The following TMPRSS6 variants were observed in gnomAD, a reference collection of about 807,000 sequenced individuals.
The protein encoded by TMPRSS6 is transmembrane protease serine 6.
In TMPRSS6, 67 loss-of-function variants were observed where a neutral mutation model predicts 101.5. The observed-to-expected ratio is 0.66, with a 90% CI of 0.54 to 0.81. TMPRSS6 has a LOEUF of 0.81. Among genes scored for constraint, TMPRSS6 ranks in the 30% least tolerant of loss-of-function variants. The pLI is 0.00. For synonymous variants in TMPRSS6, 453 were observed against 464.9 expected (o/e 0.97, Z 0.33); for missense variants, 1,034 against 1,088.7 (o/e 0.95, Z 0.71).
intron 1 of TMPRSS6, among the ~76,000 whole-genome samples, chr22:37,107,214 A>G (rs1930770022): frequency 6.6e-6 from 1 of 152,068 alleles, no homozygotes; most frequent in South Asian, 2.1e-4. Context: ...CCCAGGTTCA[A>G]TGCTCAGTCA....
intron 10 of TMPRSS6, among the ~76,000 whole-genome samples, chr22:37,078,974 A>AGG (rs1569006110): frequency 0.093 from 35 of 378 alleles, no homozygotes; most frequent in African/African-American, 0.25. Context: ...AAAGAAAGAA[A>AGG]AAGAAAGAAA....
Position 37,101,928 on chromosome 22 carries a change from G to A in TMPRSS6, c.202+1288C>T, listed in dbSNP as rs113681586. On this transcript the variant is annotated intron_variant, in intron 2 of 17. Transcript: ENST00000676104. This position sits in a 1 kb window ranked among gnomAD's most constrained non-coding sequence, Gnocchi z 4.1. The stretch of plus-strand genomic sequence containing the variant: ...CTGCTGGTGGTGAAATGCACATGGC[G>A]TCTACTGCCTGCGTTGCTCAACTCT... Among the ~76,000 whole-genome samples, 225 of 152,310 alleles carry A rather than the reference G, an allele frequency of 1.5e-3. 1 individual carries two copies. The highest frequency in any genetic ancestry group is 5.1e-3 in the African/African-American group (211 of 41,558).
intron 3 of TMPRSS6, among the ~76,000 whole-genome samples, chr22:37,097,254 G>C (rs547861564): frequency 6.6e-6 from 1 of 152,346 alleles, no homozygotes; most frequent in African/African-American, 2.4e-5. Context: ...GCAGCCTCAG[G>C]CTGGGTCCCT....
chr22:37,094,776 G>A (rs1024056569), intron 6 of TMPRSS6, among the ~76,000 whole-genome samples: 1 of 152,196 alleles, frequency 6.6e-6, no homozygotes, highest in Non-Finnish European at 1.5e-5. Context: ...GGTAAGGAAA[G>A]GTATAACAAG....
chr22:37,105,672 C>T (rs903084928), intron 1 of TMPRSS6, among the ~76,000 whole-genome samples: 7 of 152,144 alleles, frequency 4.6e-5, no homozygotes, highest in Non-Finnish European at 1.0e-4. Context: ...ATTCCCGTCG[C>T]ACCCCTTTTG....
rs548774800 is a variant in TMPRSS6, at chr22:37,095,572, C to T, written c.610G>A (p.Ala204Thr). ...GTACCCAGCGTGGAATTCAATGCAG[C>T]TATGTCTTTCACACTGGCTTCTGAT... is the stretch of plus-strand genomic sequence containing the variant. The part of the protein sequence containing the change: ...VILEASVKDI[A>T]ALNSTLGCYR... Residue 204 changes from alanine to threonine, a missense_variant, in exon 6 of 18, where the codon GCT (alanine) becomes ACT (threonine). Ala to Thr is a moderately conservative substitution (Grantham distance 58, BLOSUM62 0). Coordinates refer to ENST00000676104, the MANE Select transcript of TMPRSS6 (RefSeq NM_001374504.1). 6.2e-6 allele frequency: 10 copies of T among 1,610,844 alleles called. No homozygotes were observed. The East Asian group carries it at 2.0e-4, about 32-fold the overall frequency.
Position 37,103,723 on chromosome 22 carries a change from C to T in TMPRSS6, c.-1-305G>A. On this transcript the variant is annotated intron_variant, in intron 1 of 17. Coordinates refer to ENST00000676104, the MANE Select transcript of TMPRSS6 (RefSeq NM_001374504.1). The surrounding 1 kb of genome is among the most constrained non-coding windows in gnomAD (Gnocchi z 4.4). ...AGACGGAGGTCTCAGTACCTAAACA[C>T]CCACCTCCCTAGAGGCTGCACCCAC... The T allele has an allele frequency of 1.3e-6, 1 of 788,876 alleles. No individual in the cohort carries two copies. The highest frequency in any genetic ancestry group is 1.5e-5 in the South Asian group (1 of 66,870). 48.9% of individuals were successfully genotyped at this position (788,876 alleles called of 1,614,324 possible).
At chr22:37,081,541 T>C (rs2146093748) in intron 10 of TMPRSS6, among the ~76,000 whole-genome samples, 1 of 152,270 alleles carries the variant, frequency 6.6e-6, no homozygotes, top group Admixed American at 6.5e-5. Context: ...CCTGAACCCC[T>C]CGTTTCACAG....
intron 13 of TMPRSS6, among the ~76,000 whole-genome samples, chr22:37,072,559 TGATG>T (rs781630045): frequency 3.5e-4 from 35 of 100,846 alleles, no homozygotes; most frequent in African/African-American, 9.6e-4. Flanking sequence ...AATGGATGGA[TGATG>T]GATGGATGGA....
Position 37,103,703 on chromosome 22 carries a change from G to T in TMPRSS6, c.-1-285C>A. Reference sequence around the variant, plus strand: ...CTTCCCTATGGTCAGAGGACAGACGGAGGTCTCAGTACCTAAACACCCACC... The same window carrying T: ...CTTCCCTATGGTCAGAGGACAGACGTAGGTCTCAGTACCTAAACACCCACC... On this transcript the variant is annotated intron_variant, in intron 1 of 17. Transcript: ENST00000676104. This position sits in a 1 kb window ranked among gnomAD's most constrained non-coding sequence, Gnocchi z 4.4. 1 of 1,004,410 alleles carries T rather than the reference G, an allele frequency of 1.0e-6. No homozygotes were observed. Among genetic ancestry groups the T allele is most frequent in the African/African-American group, 1.6e-5 (1 of 63,304 alleles). 62.2% of individuals were successfully genotyped at this position (1,004,410 alleles called of 1,614,324 possible). A position where few individuals can be genotyped will look rare whatever the true frequency, so the allele number is the denominator to read the frequency against.
intron 2 of TMPRSS6, among the ~76,000 whole-genome samples, chr22:37,102,654 G>A (rs912263520): frequency 6.6e-6 from 1 of 152,166 alleles, no homozygotes; most frequent in Non-Finnish European, 1.5e-5. Context: ...ACATGGCAGA[G>A]GGCCCCAAGG....
chr22:37,100,994 G>T (rs1180417637), intron 2 of TMPRSS6, among the ~76,000 whole-genome samples: 1 of 152,314 alleles, frequency 6.6e-6, no homozygotes, highest in East Asian at 1.9e-4. Context: ...AACCTGGGAT[G>T]TTGGCGAGCT....
At chr22:37,091,751 C>T (rs1929284266) in intron 6 of TMPRSS6, among the ~76,000 whole-genome samples, 1 of 152,204 alleles carries the variant, frequency 6.6e-6, no homozygotes, top group Admixed American at 6.5e-5. Context: ...TGAGTCTGGG[C>T]CAGTGGCTTA....
Position 37,089,589 on chromosome 22 carries a change from C to A in TMPRSS6, c.825G>T (p.Arg275Ser), listed in dbSNP as rs1372270164. Residue 275 changes from arginine to serine, a missense_variant, in exon 7 of 18, where the codon AGG (arginine) becomes AGT (serine). Coordinates refer to ENST00000676104, the MANE Select transcript of TMPRSS6 (RefSeq NM_001374504.1). ...MYDVAGPLEK[R>S]LITSVYGCSR... ...TCCCAGGGACTCACGAGGTGATGAG[C>A]CTCTTCTCCAGGGGCCCGGCCACGT... is the stretch of plus-strand genomic sequence containing the variant. 1 of 1,516,912 alleles carries A rather than the reference C, an allele frequency of 6.6e-7. No individual in the cohort carries two copies. The highest frequency in any genetic ancestry group is 8.9e-7 in the Non-Finnish European group (1 of 1,117,482). 94.0% of individuals were successfully genotyped at this position (1,516,912 alleles called of 1,614,324 possible).
At chr22:37,085,323 A>G (rs1326586878) in intron 8 of TMPRSS6, among the ~76,000 whole-genome samples, 1 of 152,116 alleles carries the variant, frequency 6.6e-6, no homozygotes, top group Non-Finnish European at 1.5e-5. Context: ...CCATTGGGCC[A>G]GGGCCCCCAA....
At position 37,075,118 on chromosome 22, in the gene TMPRSS6, C is replaced by T. The variant is rs1444481268; in HGVS notation, c.1342+17G>A. The stretch of plus-strand genomic sequence containing the variant: ...AGCGAGTCACTGCAGGGGGTTCCCC[C>T]GGCTGCCCATACTCACGGTCCGACT... On this transcript the variant is annotated intron_variant, in intron 11 of 17. Transcript: ENST00000676104. The T allele has an allele frequency of 1.5e-5, 25 of 1,613,554 alleles. No homozygotes were observed. Among genetic ancestry groups the T allele is most frequent in the Admixed American group, 8.3e-5 (5 of 60,016 alleles).
At chr22:37,086,496 G>C (rs1187044147) in intron 7 of TMPRSS6, 77 bp from the exon 8 acceptor site, 15 of 1,479,488 alleles carry the variant, frequency 1.0e-5, no homozygotes, top group Non-Finnish European at 1.4e-5. Flanking sequence ...GGCGGCTGCT[G>C]GGGGAGGGTG....
intron 1 of TMPRSS6, among the ~76,000 whole-genome samples, chr22:37,106,411 G>A (rs1474058886): frequency 1.3e-5 from 2 of 151,982 alleles, no homozygotes; most frequent in Non-Finnish European, 2.9e-5. Context: ...TCCAAGCCAG[G>A]CGTCCTTCTC....
Position 37,065,863 on chromosome 22 carries a change from T to C in TMPRSS6, c.*217A>G. On this transcript the variant is annotated 3_prime_UTR_variant, in exon 18 of 18. Transcript: ENST00000676104. ...CAGAAGGGCTGGGTGTGGGCCTGGG[T>C]CCTCAGGGGACGTCTTGACCCCCAG... 3.3e-6 allele frequency: 2 copies of C among 614,084 alleles called. No individual in the cohort carries two copies. The highest frequency in any genetic ancestry group is 3.9e-5 in the South Asian group (2 of 51,218). The allele number at this position is 614,084 out of a possible 1,614,324, so 38.0% of individuals were successfully genotyped here. A position where few individuals can be genotyped will look rare whatever the true frequency, so the allele number is the denominator to read the frequency against.
Sources: allele counts gnomAD v4.1 joint callset (sites outside exome capture counted in the v4.1 genomes callset), GRCh38; gene constraint gnomAD v4.1.1; non-coding constraint Gnocchi (gnomAD v3.1); transcripts MANE v1.5; gene names NCBI Gene and HGNC (gene_info 2026-07-23, HGNC 2026-07-21).